DSG2: variants seen among roughly 807,000 people sequenced by gnomAD.
DSG2 encodes desmoglein-2.
Under a neutral mutation model 75.6 loss-of-function variants are expected in DSG2, and 45 were observed. That is an observed-to-expected ratio of 0.60 (90% CI 0.47 to 0.76). The LOEUF (loss-of-function observed/expected upper bound fraction) is 0.76, where lower values mean the gene tolerates loss of function less well. Ranked by LOEUF, DSG2 falls within the 30% of genes least tolerant of loss-of-function variation. DSG2 has a pLI of 0.00. For missense variants in DSG2, 1,267 were observed against 1,357.4 expected (o/e 0.93, Z 1.05); for synonymous variants, 429 against 483.9 (o/e 0.89, Z 1.49).
rs1378206593 is a variant in DSG2, at chr18:31,544,790, G to T, written c.2335-931G>T. Among the ~76,000 whole-genome samples, 3 of 152,148 alleles carry T rather than the reference G, an allele frequency of 2.0e-5. No individual in the cohort carries two copies. In the South Asian group the frequency reaches 6.2e-4, roughly 32 times the overall value. On this transcript the variant is annotated intron_variant, in intron 14 of 14. Transcript: ENST00000261590. Reference sequence around the variant, plus strand: ...ATAATTTTTTAAAAAGTAGGACTGGGTGGTTTTCTTGAGAACAAGGCCCTG... The same window carrying T: ...ATAATTTTTTAAAAAGTAGGACTGGTTGGTTTTCTTGAGAACAAGGCCCTG...
At position 31,541,309 on chromosome 18, in the gene DSG2, G is replaced by C. The variant is rs771623047; in HGVS notation, c.1996G>C (p.Asp666His). 8 of 1,613,918 alleles carry C rather than the reference G, an allele frequency of 5.0e-6. No individual in the cohort carries two copies. Residue 666 changes from aspartate to histidine, a missense_variant, in exon 13 of 15, where the codon GAC (aspartate) becomes CAC (histidine). Asp to His is a moderately conservative substitution (Grantham distance 81). Coordinates refer to ENST00000261590, the MANE Select transcript of DSG2 (RefSeq NM_001943.5). ...GAATAATGAAGGAGCACCACCTGAA[G>C]ACAAGGTCAGTGGATCAGATGTCAA... ...PWNNEGAPPE[D>H]KVVPSFLPVD...
rs934406429 is a variant in DSG2, at chr18:31,542,909, A to G, written c.2334+57A>G. ...GGGTGGGGGGAACATTTGTATGTGA[A>G]TGTGATATTATTAGGGTAATCATTG... On this transcript the variant is annotated intron_variant, in intron 14 of 14. Transcript: ENST00000261590. 5.6e-6 allele frequency: 6 copies of G among 1,079,524 alleles called. No individual in the cohort carries two copies. In the African/African-American group the frequency reaches 9.4e-5, roughly 17 times the overall value. 66.9% of individuals were successfully genotyped at this position (1,079,524 alleles called of 1,614,324 possible). A position where few individuals can be genotyped will look rare whatever the true frequency, so the allele number is the denominator to read the frequency against.
At chr18:31,513,301 C>G (rs1274733040) in intron 1 of DSG2, among the ~76,000 whole-genome samples, 1 of 152,216 alleles carries the variant, frequency 6.6e-6, no homozygotes, top group Non-Finnish European at 1.5e-5. Flanking sequence ...ATGGCTGTAG[C>G]TATTCCAAAT....
At position 31,535,327 on chromosome 18, in the gene DSG2, A is replaced by G; in HGVS notation, c.1338A>G (p.Glu446=). Residue 446 remains glutamate (E), a synonymous_variant, in exon 10 of 15, where the codon GAA becomes GAG. Coordinates refer to ENST00000261590, the MANE Select transcript of DSG2 (RefSeq NM_001943.5). ...NWISVDSVTS[E]IKLAKLPDFE... ...TCTCTGTGGATTCTGTCACATCTGA[A>G]ATTAAACTTGCAAAACTTCCTGATT... 6.2e-7 allele frequency: 1 copy of G among 1,604,574 alleles called. No homozygotes were observed. Among genetic ancestry groups the G allele is most frequent in the Non-Finnish European group, 8.5e-7 (1 of 1,171,988 alleles).
intron 2 of DSG2, among the ~76,000 whole-genome samples, 168 bp from the exon 3 acceptor site, chr18:31,519,635 A>T (rs555541310): frequency 6.6e-6 from 1 of 152,316 alleles, no homozygotes; most frequent in African/African-American, 2.4e-5. Context: ...GGCCCTATGC[A>T]GTTTGCTAGA....
Position 31,498,251 on chromosome 18 carries a change from G to A in DSG2, c.-1G>A. 4 of 1,258,544 alleles carry A rather than the reference G, an allele frequency of 3.2e-6. No homozygotes were observed. Among genetic ancestry groups the A allele is most frequent in the Non-Finnish European group, 4.0e-6 (4 of 997,924 alleles). The allele number at this position is 1,258,544 out of a possible 1,614,324, so 78.0% of individuals were successfully genotyped here. On this transcript the variant is annotated 5_prime_UTR_variant, in exon 1 of 15. Transcript: ENST00000261590. ...CGGCGGGAGGCGGAGGCGAGGGTGC[G>A]ATGGCGCGGAGCCCGGGACGCGCGT...
chr18:31,545,880 A>C lies in DSG2; in HGVS notation c.2494A>C (p.Lys832Gln). Residue 832 changes from lysine to glutamine, a missense_variant, in exon 15 of 15, where the codon AAA (lysine) becomes CAA (glutamine). By Grantham distance (53) the Lys-to-Gln change is moderately conservative. Coordinates refer to ENST00000261590, the MANE Select transcript of DSG2 (RefSeq NM_001943.5). The part of the protein sequence containing the change: ...DDRFLDDLGL[K>Q]FKTLAEVCLG... ...CCGCTTCTTAGATGATTTGGGACTT[A>C]AATTCAAGACACTAGCTGAAGTTTG... 6.2e-7 allele frequency: 1 copy of C among 1,614,208 alleles called. No homozygotes were observed. Among genetic ancestry groups the C allele is most frequent in the Non-Finnish European group, 8.5e-7 (1 of 1,180,042 alleles).
rs1234664722 is a variant in DSG2 at position 31,545,951 on chromosome 18, A to G, written c.2565A>G (p.Gln855=). Residue 855 remains glutamine (Q), a synonymous_variant, in exon 15 of 15, where the codon CAA becomes CAG. Transcript: ENST00000261590. ...IDINKEIEQR[Q]KPATETSMNT... is the part of the protein sequence containing the mutation. ...TAAATAAGGAAATTGAGCAGAGACA[A>G]AAACCTGCCACAGAAACAAGTATGA... 6.2e-7 allele frequency: 1 copy of G among 1,614,234 alleles called. No individual in the cohort carries two copies. Among genetic ancestry groups the G allele is most frequent in the East Asian group, 2.2e-5 (1 of 44,890 alleles).
chr18:31,542,217 AG>A (rs2073272408), intron 13 of DSG2: 3 of 433,046 alleles, frequency 6.9e-6, no homozygotes, highest in Non-Finnish European at 1.3e-5. Flanking sequence ...CTGTAACTAT[AG>A]AAGAAGGTAT....
intron 2 of DSG2, 44 bp from the exon 3 acceptor site, chr18:31,519,759 A>T: frequency 6.3e-7 from 1 of 1,596,436 alleles, no homozygotes; most frequent in Admixed American, 1.7e-5. Flanking sequence ...AATGTTCTAT[A>T]TTTATGACAC....
chr18:31,515,831 T>C (rs928049984), intron 1 of DSG2, among the ~76,000 whole-genome samples: 2 of 152,158 alleles, frequency 1.3e-5, no homozygotes, highest in Non-Finnish European at 1.5e-5. Context: ...AAAGATTCAC[T>C]TGTGGAATGG....
intron 9 of DSG2, among the ~76,000 whole-genome samples, chr18:31,533,921 G>A (rs2144337035): frequency 6.6e-6 from 1 of 151,848 alleles, no homozygotes; most frequent in Admixed American, 6.6e-5. Flanking sequence ...TCATATGTTT[G>A]GTTGGTACTG....
At chr18:31,517,196 A>T (rs887753835) in intron 1 of DSG2, among the ~76,000 whole-genome samples, 1 of 152,208 alleles carries the variant, frequency 6.6e-6, no homozygotes, top group Non-Finnish European at 1.5e-5. Flanking sequence ...CTTCTCACTT[A>T]TATGTGGGAG....
chr18:31,517,462 A>G (rs2073100589), intron 1 of DSG2, among the ~76,000 whole-genome samples: 1 of 152,216 alleles, frequency 6.6e-6, no homozygotes. Context: ...AGCATAATGA[A>G]AAGACAAGTA....
intron 1 of DSG2, among the ~76,000 whole-genome samples, chr18:31,502,543 A>G (rs2144285097): frequency 6.6e-6 from 1 of 152,336 alleles, no homozygotes; most frequent in Admixed American, 6.5e-5. Context: ...TGAGGTCAGG[A>G]GTTTGAGACC....
At chr18:31,532,511 G>A (rs2073204673) in intron 9 of DSG2, among the ~76,000 whole-genome samples, 1 of 152,188 alleles carries the variant, frequency 6.6e-6, no homozygotes, top group South Asian at 2.1e-4. Flanking sequence ...GCCAAGTGTA[G>A]CAAGAATGAA....
intron 1 of DSG2, among the ~76,000 whole-genome samples, chr18:31,504,553 T>TG (rs112745891): frequency 0.088 from 13,363 of 152,128 alleles, 1,518 homozygotes; most frequent in African/African-American, 0.27. Flanking sequence ...CCTAGCACGA[T>TG]GGGCAGACGG....
At chr18:31,506,692 G>T (rs2073040564) in intron 1 of DSG2, among the ~76,000 whole-genome samples, 1 of 152,120 alleles carries the variant, frequency 6.6e-6, no homozygotes, top group South Asian at 2.1e-4. Flanking sequence ...TATAATTTTT[G>T]TTTATCAAAT....
At chr18:31,543,446 A>AGTATGATC (rs2073283282) in intron 14 of DSG2, 1 of 152,270 alleles carries the variant, frequency 6.6e-6, no homozygotes, top group African/African-American at 2.4e-5. Flanking sequence ...TCTGTATGAG[A>AGTATGATC]GTACTTGGCT....
Sources: gnomAD v4.1 joint callset for allele counts (sites outside exome capture counted in the v4.1 genomes callset) on GRCh38, gnomAD v4.1.1 for gene constraint, MANE v1.5 for transcripts, NCBI Gene and HGNC (gene_info 2026-07-23, HGNC 2026-07-21) for gene names.